The following UTP18 variants were observed in gnomAD, a reference collection of about 807,000 sequenced individuals.
The protein encoded by UTP18 is U3 small nucleolar RNA-associated protein 18 homolog.
Under a neutral mutation model 61.1 loss-of-function variants are expected in UTP18, and 36 were observed. That is an observed-to-expected ratio of 0.59 (90% CI 0.45 to 0.78). The LOEUF (loss-of-function observed/expected upper bound fraction) is 0.78. Ranked by LOEUF, UTP18 falls within the 30% of genes least tolerant of loss-of-function variation. UTP18 has a pLI of 0.00. For missense variants in UTP18, 753 were observed against 693.9 expected (o/e 1.09, Z -0.96); for synonymous variants, 282 against 251.1 (o/e 1.12, Z -1.16).
At chr17:51,276,634 C>A (rs1904731181) in intron 6 of UTP18, among the ~76,000 whole-genome samples, 1 of 152,172 alleles carries the variant, frequency 6.6e-6, no homozygotes, top group Non-Finnish European at 1.5e-5. Context: ...CAGGATGTCA[C>A]TCTCTGATGG....
In UTP18 at chr17:51,263,367, G is replaced by A. The variant is rs1598472771; in HGVS notation, c.436G>A (p.Glu146Lys). The change falls in exon 2 of 14, where the codon GAA (glutamate) becomes AAA (lysine). Residue 146 changes from glutamate to lysine, a missense_variant. Glu to Lys is a moderately conservative substitution (Grantham distance 56, BLOSUM62 1). Transcript: ENST00000225298. Reference sequence around the variant, plus strand: ...AAAGAAGCCAGTTTGGGTGGATGAAGAAGATGAAGATGAGGAAATGTAAGT... The same window carrying A: ...AAAGAAGCCAGTTTGGGTGGATGAAAAAGATGAAGATGAGGAAATGTAAGT... Reference protein sequence around the residue: ...PQKKPVWVDEEDEDEEMVDMM... With the variant: ...PQKKPVWVDEKDEDEEMVDMM... The A allele has an allele frequency of 6.2e-7, 1 of 1,614,074 alleles. No homozygotes were observed. The highest frequency in any genetic ancestry group is 8.5e-7 in the Non-Finnish European group (1 of 1,179,934).
chr17:51,269,854 TGTG>T (rs1904454571), intron 4 of UTP18, among the ~76,000 whole-genome samples: 1 of 151,664 alleles, frequency 6.6e-6, no homozygotes, highest in Admixed American at 6.6e-5. Flanking sequence ...TGTGTGTGTG[TGTG>T]TGTGTGTGTG....
At chr17:51,286,978 T>TTCC (rs1905135149) in intron 10 of UTP18, among the ~76,000 whole-genome samples, 2 of 123,526 alleles carry the variant, frequency 1.6e-5, no homozygotes, top group Non-Finnish European at 3.2e-5. Flanking sequence ...CCCTCCCCCT[T>TTCC]CCCCCCCCGA....
At chr17:51,282,172 G>C (rs1904953396) in intron 9 of UTP18, among the ~76,000 whole-genome samples, 1 of 152,188 alleles carries the variant, frequency 6.6e-6, no homozygotes, top group South Asian at 2.1e-4. Flanking sequence ...TCTGCTCTGT[G>C]GGTAGTAGTC....
intron 1 of UTP18, among the ~76,000 whole-genome samples, chr17:51,261,331 C>A (rs1568261405): frequency 2.0e-5 from 3 of 152,244 alleles, no homozygotes; most frequent in Admixed American, 2.0e-4. Context: ...CGGGCCTGGG[C>A]ATCTCCGTTG....
chr17:51,274,987 T>G (rs1052906125), intron 5 of UTP18, among the ~76,000 whole-genome samples: 3 of 151,396 alleles, frequency 2.0e-5, no homozygotes, highest in Non-Finnish European at 4.4e-5. Context: ...CACCTGAGGT[T>G]GGGAGTTTGA....
chr17:51,266,783 C>T (rs1213967853), intron 3 of UTP18, among the ~76,000 whole-genome samples: 2 of 152,316 alleles, frequency 1.3e-5, no homozygotes, highest in Admixed American at 1.3e-4. Flanking sequence ...AGAAAATTAA[C>T]AGTTTACGGC....
At chr17:51,282,778 G>T (rs1338519787) in intron 9 of UTP18, among the ~76,000 whole-genome samples, 1 of 152,076 alleles carries the variant, frequency 6.6e-6, no homozygotes, top group Non-Finnish European at 1.5e-5. Flanking sequence ...ATCAAAAGTT[G>T]AGCCTTGGTA....
At chr17:51,272,463 C>G (rs1904560691) in intron 4 of UTP18, among the ~76,000 whole-genome samples, 1 of 152,020 alleles carries the variant, frequency 6.6e-6, no homozygotes, top group Non-Finnish European at 1.5e-5. Context: ...TGGGGATTGT[C>G]TGTTTTTCCT....
intron 11 of UTP18, among the ~76,000 whole-genome samples, chr17:51,291,626 T>C (rs559125043): frequency 3.3e-5 from 5 of 151,742 alleles, no homozygotes; most frequent in African/African-American, 1.2e-4. Flanking sequence ...TCCCAGCTAC[T>C]CAGGAGGCTG....
intron 4 of UTP18, among the ~76,000 whole-genome samples, chr17:51,269,963 G>A (rs1904461055): frequency 6.6e-6 from 1 of 151,838 alleles, no homozygotes; most frequent in Non-Finnish European, 1.5e-5. Flanking sequence ...TCCAGTGATT[G>A]TTTTGTCTCA....
At chr17:51,293,413 T>C (rs1905282132) in intron 11 of UTP18, among the ~76,000 whole-genome samples, 1 of 151,910 alleles carries the variant, frequency 6.6e-6, no homozygotes, top group Non-Finnish European at 1.5e-5. Flanking sequence ...ATGGGTACAG[T>C]GTACATCAAT....
At chr17:51,270,486 C>G (rs574251013) in intron 4 of UTP18, among the ~76,000 whole-genome samples, 3 of 152,270 alleles carry the variant, frequency 2.0e-5, no homozygotes, top group Admixed American at 2.0e-4. Context: ...TATGGTTATG[C>G]TAGCTGTTGA....
In UTP18 at chr17:51,280,054, C is replaced by T. The variant is rs1240785206; in HGVS notation, c.1062C>T (p.Ser354=). 6.2e-7 allele frequency: 1 copy of T among 1,613,978 alleles called. No homozygotes were observed. The highest frequency in any genetic ancestry group is 8.5e-7 in the Non-Finnish European group (1 of 1,179,924). The change falls in exon 8 of 14, where the codon TCC becomes TCT. Residue 354 remains serine (S), a synonymous_variant. Coordinates refer to ENST00000225298, the MANE Select transcript of UTP18 (RefSeq NM_016001.3). ...GCTTTGAAGTCTCCCCAGATGGGTC[C>T]TTCTTGCTCATAAATGGCATTGCTG... ...VRSFEVSPDG[S]FLLINGIAGY... is the part of the protein sequence containing the mutation.
At chr17:51,262,478 T>TA (rs1489435699) in intron 1 of UTP18, among the ~76,000 whole-genome samples, 2 of 152,192 alleles carry the variant, frequency 1.3e-5, no homozygotes, top group Admixed American at 6.5e-5. Flanking sequence ...TATTTAGAGA[T>TA]ACGGTCTAAC....
At position 51,260,620 on chromosome 17, in the gene UTP18, C is replaced by G. The variant is rs780529427; in HGVS notation, c.36C>G (p.Asp12Glu). Residue 12 changes from aspartate to glutamate, a missense_variant, in exon 1 of 14, where the codon GAC becomes GAG. Physicochemically the swap from Asp to Glu is conservative, Grantham distance 45. Transcript: ENST00000225298. Reference sequence around the variant, plus strand: ...AGCGGAGGAGACGAATGAAACTGGACCGGAGAACCGGAGCGAAGCCGAAGC... The same window carrying G: ...AGCGGAGGAGACGAATGAAACTGGAGCGGAGAACCGGAGCGAAGCCGAAGC... ...PPERRRRMKL[D>E]RRTGAKPKRK... is the part of the protein sequence containing the mutation. 1 of 1,612,654 alleles carries G rather than the reference C, an allele frequency of 6.2e-7. No homozygotes were observed. Among genetic ancestry groups the G allele is most frequent in the South Asian group, 1.1e-5 (1 of 91,070 alleles).
At chr17:51,280,179 A>T in intron 8 of UTP18, 74 bp downstream of exon 8, 1 of 1,468,946 alleles carries the variant, frequency 6.8e-7, no homozygotes, top group Non-Finnish European at 9.4e-7. Flanking sequence ...ACCTTAACTC[A>T]GTGTGTCCTT....
At position 51,260,738 on chromosome 17, in the gene UTP18, G is replaced by C; in HGVS notation, c.154G>C (p.Ala52Pro). Residue 52 changes from alanine to proline, a missense_variant, in exon 1 of 14, where the codon GCC (alanine) becomes CCC (proline). Transcript: ENST00000225298. ...CCCTTCATCCCAGCGGAAACCGCCG[G>C]CCCGGCCGAGCGCGGCGGCCGCTGC... ...PAPSSQRKPPARPSAAAAAIA... is the reference protein window; with the variant it reads ...PAPSSQRKPPPRPSAAAAAIA... The C allele has an allele frequency of 1.3e-6, 2 of 1,587,884 alleles. No homozygotes were observed. The highest frequency in any genetic ancestry group is 1.7e-6 in the Non-Finnish European group (2 of 1,168,040).
chr17:51,273,598 G>T (rs376141133), intron 5 of UTP18, 148 bp downstream of exon 5: 44 of 399,664 alleles, frequency 1.1e-4, no homozygotes, highest in South Asian at 1.6e-4. Flanking sequence ...TTATGTTATT[G>T]TTTTTTTTTT....
Sources: gnomAD v4.1 joint callset for allele counts (sites outside exome capture counted in the v4.1 genomes callset) on GRCh38, gnomAD v4.1.1 for gene constraint, MANE v1.5 for transcripts, NCBI Gene and HGNC (gene_info 2026-07-23, HGNC 2026-07-21) for gene names.